The following ZNF17 variants were observed in gnomAD, a reference collection of about 807,000 sequenced individuals.
The protein encoded by ZNF17 is zinc finger protein 17 (HPF3, KOX 10).
Under a neutral mutation model 7.7 loss-of-function variants are expected in ZNF17, and 4 were observed. That is an observed-to-expected ratio of 0.52 (90% CI 0.26 to 1.20). The LOEUF (loss-of-function observed/expected upper bound fraction) is 1.20. Among genes scored for constraint, ZNF17 ranks in the 50% most tolerant of loss-of-function variants. The probability of loss-of-function intolerance (pLI) is 0.14; values close to 1 mark genes in which losing one functional copy is unlikely to be tolerated. For synonymous variants in ZNF17, 249 were observed against 258.8 expected, an observed-to-expected ratio of 0.96 and a Z score of 0.36; for missense variants, 738 against 799.5, an observed-to-expected ratio of 0.92 and a Z score of 0.93.
At position 57,421,022 on chromosome 19, in the gene ZNF17, C is replaced by T. The variant is rs2123072829; in HGVS notation, c.1536C>T (p.Arg512=). The change falls in exon 4 of 4, where the codon CGC becomes CGT. Residue 512 remains arginine (R), a synonymous_variant. Coordinates refer to ENST00000307658, the MANE Select transcript of ZNF17 (RefSeq NM_001330617.2). ...TTTGTGGGAAATCCTTTAGATGTCGCTCCACACTTGATACACATCAGAGAA... is the reference window on the plus strand; with the variant it reads ...TTTGTGGGAAATCCTTTAGATGTCGTTCCACACTTGATACACATCAGAGAA... ...CSICGKSFRC[R]STLDTHQRIH... is the part of the protein sequence containing the mutation. 3.7e-6 allele frequency: 6 copies of T among 1,613,680 alleles called. No individual in the cohort carries two copies. The South Asian group carries it at 6.6e-5, about 18-fold the overall frequency.
In ZNF17 at chr19:57,417,787, C is replaced by CA. The variant is rs562538631; in HGVS notation, c.22-124dup. 74 of 1,187,702 alleles carry CA rather than the reference C, an allele frequency of 6.2e-5. No individual in the cohort carries two copies. In the East Asian group the frequency reaches 8.4e-4, roughly 13 times the overall value. 73.6% of individuals were successfully genotyped at this position (1,187,702 alleles called of 1,614,324 possible). A position where few individuals can be genotyped will look rare whatever the true frequency, so the allele number is the denominator to read the frequency against. ...ACTTGAATCCGGGAGGCGGAGCTTG[C>CA]AGTGAGCCGAGATCACACCACTGCA... On this transcript the variant is annotated intron_variant, in intron 2 of 3. Coordinates refer to ENST00000307658, the MANE Select transcript of ZNF17 (RefSeq NM_001330617.2).
chr19:57,411,407 G>A lies in ZNF17; in HGVS notation c.-21+1G>A. On this transcript the variant is annotated splice_donor_variant, in intron 1 of 3. Transcript: ENST00000307658. LOFTEE classifies it low-confidence loss of function (5UTR_SPLICE). ...GGCTGCGCCGATGAACCTGACTGAG[G>A]TGGGTGCCGCGTCCCAGGGCGCCCC... 1 of 1,611,962 alleles carries A rather than the reference G, an allele frequency of 6.2e-7. No individual in the cohort carries two copies. Among genetic ancestry groups the A allele is most frequent in the Non-Finnish European group, 8.5e-7 (1 of 1,179,570 alleles).
In ZNF17 at chr19:57,420,485, A is replaced by G. The variant is rs747865724; in HGVS notation, c.999A>G (p.Gly333=). 4 of 1,613,974 alleles carry G rather than the reference A, an allele frequency of 2.5e-6. No individual in the cohort carries two copies. The highest frequency in any genetic ancestry group is 2.5e-6 in the Non-Finnish European group (3 of 1,180,006). The change falls in exon 4 of 4, where the codon GGA becomes GGG. Residue 333 remains glycine, a synonymous_variant. Coordinates refer to ENST00000307658, the MANE Select transcript of ZNF17 (RefSeq NM_001330617.2). Reference sequence around the variant, plus strand: ...TTCATACTGGAGAACGGCCTTATGGATGCAATGAATGTGGGAAATACTTTA... The same window carrying G: ...TTCATACTGGAGAACGGCCTTATGGGTGCAATGAATGTGGGAAATACTTTA... The part of the protein sequence containing the change: ...QKIHTGERPY[G]CNECGKYFMY...
chr19:57,412,301 A>G (rs1806317100), intron 1 of ZNF17, among the ~76,000 whole-genome samples: 1 of 152,158 alleles, frequency 6.6e-6, no homozygotes, highest in Non-Finnish European at 1.5e-5. Context: ...AGACGGGGGT[A>G]GGGCTTTCTC....
In ZNF17 at chr19:57,420,241, A is replaced by C. The variant is rs756437601; in HGVS notation, c.755A>C (p.Glu252Ala). The C allele has an allele frequency of 1.2e-6, 2 of 1,614,222 alleles. No homozygotes were observed. The highest frequency in any genetic ancestry group is 4.5e-5 in the East Asian group (2 of 44,888). ...GGAGAAAGGCCTTATAAGTGTAGTG[A>C]ATGTGGAAAAGCCTTCAGCCTCAAA... Reference protein sequence around the residue: ...HTGERPYKCSECGKAFSLKYN... With the variant: ...HTGERPYKCSACGKAFSLKYN... Residue 252 changes from glutamate (E) to alanine (A), a missense_variant, in exon 4 of 4, where the codon GAA becomes GCA. This residue lies in a region of ZNF17 where 616 missense variants were observed against 663.9 expected (regional missense o/e 0.93). Transcript: ENST00000307658.
rs983540629 is a variant in ZNF17, at chr19:57,419,858, A to C, written c.372A>C (p.Arg124Ser). The C allele has an allele frequency of 9.3e-6, 15 of 1,614,190 alleles. No homozygotes were observed. Among genetic ancestry groups the C allele is most frequent in the Non-Finnish European group, 1.2e-5 (14 of 1,180,024 alleles). Residue 124 changes from arginine (R) to serine (S), a missense_variant, in exon 4 of 4, where the codon AGA becomes AGC. By Grantham distance (110) the Arg-to-Ser change is moderately radical. Around this residue, in one of 3 missense-constraint regions of ZNF17, gnomAD observed 616 missense variants for 663.9 expected, o/e 0.93. Coordinates refer to ENST00000307658, the MANE Select transcript of ZNF17 (RefSeq NM_001330617.2). The part of the protein sequence containing the change: ...KLYLHQKEHL[R>S]EKLTRSDEGR... Reference sequence around the variant, plus strand: ...ACCTGCACCAAAAGGAGCATCTTAGAGAGAAGCTCACCAGAAGTGATGAAG... The same window carrying C: ...ACCTGCACCAAAAGGAGCATCTTAGCGAGAAGCTCACCAGAAGTGATGAAG...
intron 3 of ZNF17, among the ~76,000 whole-genome samples, chr19:57,418,888 T>G (rs12982691): frequency 0.44 from 66,323 of 150,520 alleles, 16,494 homozygotes; most frequent in East Asian, 0.65. Context: ...TTTTTGTTTT[T>G]TTTTTGTTTT....
At chr19:57,411,454 C>T (rs746035532) in intron 1 of ZNF17, 48 bp downstream of exon 1, 4 of 1,599,724 alleles carry the variant, frequency 2.5e-6, no homozygotes, top group African/African-American at 1.3e-5. Context: ...CCTCCGAGTG[C>T]CGAAGCCCCG....
chr19:57,412,551 TCTC>T (rs1328210604), intron 1 of ZNF17, among the ~76,000 whole-genome samples: 1 of 151,572 alleles, frequency 6.6e-6, no homozygotes, highest in Non-Finnish European at 1.5e-5. Context: ...TTCAAGCAAT[TCTC>T]CTGCCTCAGC....
intron 2 of ZNF17, among the ~76,000 whole-genome samples, chr19:57,414,036 T>G (rs544390998): frequency 3.6e-4 from 54 of 152,046 alleles, no homozygotes; most frequent in Non-Finnish European, 5.7e-4. Flanking sequence ...TTTTTGTTTT[T>G]GTTTTGTTTT....
At chr19:57,418,502 T>A (rs1239370875) in intron 3 of ZNF17, among the ~76,000 whole-genome samples, 1 of 152,008 alleles carries the variant, frequency 6.6e-6, no homozygotes, top group Non-Finnish European at 1.5e-5. Context: ...ATGTCCTGGG[T>A]TTATTGCTCT....
At position 57,413,604 on chromosome 19, in the gene ZNF17, G is replaced by A. The variant is rs1490831637; in HGVS notation, c.-12G>A. On this transcript the variant is annotated 5_prime_UTR_variant, in exon 2 of 4. The change abolishes the stop of an existing upstream ORF in the 5' untranslated region. Coordinates refer to ENST00000307658, the MANE Select transcript of ZNF17 (RefSeq NM_001330617.2). ...CCTGCCTCTTCCCACAGGGTTCATA[G>A]CAGTGGCAGCAATGCTTATGGATGC... 1 of 1,535,966 alleles carries A rather than the reference G, an allele frequency of 6.5e-7. No individual in the cohort carries two copies. The highest frequency in any genetic ancestry group is 8.7e-7 in the Non-Finnish European group (1 of 1,146,928).
intron 1 of ZNF17, chr19:57,411,760 A>T (rs2088778545): frequency 6.2e-6 from 6 of 968,104 alleles, no homozygotes; most frequent in Non-Finnish European, 7.7e-6. Flanking sequence ...GAAAAACAGG[A>T]TGTTAAACCA....
Position 57,420,018 on chromosome 19 carries a change from G to T in ZNF17, c.532G>T (p.Asp178Tyr), listed in dbSNP as rs776060768. The T allele has an allele frequency of 3.1e-6, 5 of 1,614,096 alleles. No individual in the cohort carries two copies. The East Asian group carries it at 1.1e-4, about 36-fold the overall frequency. The change falls in exon 4 of 4, where the codon GAC becomes TAC. Residue 178 changes from aspartate to tyrosine, a missense_variant. This residue lies in a region of ZNF17 where 616 missense variants were observed against 663.9 expected (regional missense o/e 0.93). Transcript: ENST00000307658. ...TCACAGTGGGTGGAAGCCACACAGG[G>T]ACACTCATGGTGTGGAGGCCTTTCA... ...ALHSGWKPHR[D>Y]THGVEAFQSG...
chr19:57,421,025 C>T lies in ZNF17; in HGVS notation c.1539C>T (p.Ser513=), dbSNP rs766307976. ...GTGGGAAATCCTTTAGATGTCGCTC[C>T]ACACTTGATACACATCAGAGAATTC... ...SICGKSFRCR[S]TLDTHQRIHT... Residue 513 remains serine (S), a synonymous_variant, in exon 4 of 4, where the codon TCC becomes TCT. Coordinates refer to ENST00000307658, the MANE Select transcript of ZNF17 (RefSeq NM_001330617.2). 1.2e-6 allele frequency: 2 copies of T among 1,613,988 alleles called. No homozygotes were observed. Among genetic ancestry groups the T allele is most frequent in the Non-Finnish European group, 1.7e-6 (2 of 1,179,968 alleles).
At position 57,411,559 on chromosome 19, in the gene ZNF17, T is replaced by G. The variant is rs114391271; in HGVS notation, c.-21+153T>G. ...CCGCGGTGCTGTGAGGCGGGGGAGC[T>G]CCTGTCAGGGACCTGCACGTGCGAG... On this transcript the variant is annotated intron_variant, in intron 1 of 3. Transcript: ENST00000307658. 4.2e-4 allele frequency: 609 copies of G among 1,435,574 alleles called. 2 individuals carry two copies. In the African/African-American group the frequency reaches 7.7e-3, roughly 18 times the overall value. 88.9% of individuals were successfully genotyped at this position (1,435,574 alleles called of 1,614,324 possible). A position where few individuals can be genotyped will look rare whatever the true frequency, so the allele number is the denominator to read the frequency against.
intron 1 of ZNF17, among the ~76,000 whole-genome samples, chr19:57,411,920 TA>T (rs1249540082): frequency 1.3e-5 from 2 of 151,752 alleles, no homozygotes; most frequent in Non-Finnish European, 2.9e-5. Flanking sequence ...GCAGTGAGGG[TA>T]GTGAAGGGTC....
At chr19:57,413,658 C>A in intron 2 of ZNF17, 22 bp downstream of exon 2, 1 of 1,536,078 alleles carries the variant, frequency 6.5e-7, no homozygotes, top group Middle Eastern at 1.7e-4. Context: ...GTGTTTCCAG[C>A]TTTCACCCAT....
intron 2 of ZNF17, among the ~76,000 whole-genome samples, chr19:57,415,517 G>A (rs1003123889): frequency 6.6e-6 from 1 of 152,052 alleles, no homozygotes; most frequent in Non-Finnish European, 1.5e-5. Context: ...GTAAATCTGT[G>A]GGTCAGATTT....
Sources: gnomAD v4.1 joint callset for allele counts (sites outside exome capture counted in the v4.1 genomes callset) on GRCh38, gnomAD v4.1.1 for gene constraint, gnomAD v4.1.1 regional missense constraint, MANE v1.5 for transcripts, NCBI Gene and HGNC (gene_info 2026-07-23, HGNC 2026-07-21) for gene names.